Variants in GFM1 observed in about 807,000 individuals in gnomAD.
The protein encoded by GFM1 is G elongation factor mitochondrial 1, also known as elongation factor G, mitochondrial.
A neutral mutation model predicts 96.2 loss-of-function variants in GFM1; 62 were observed. That is an observed-to-expected ratio of 0.64 (90% CI 0.53 to 0.80). The LOEUF is 0.80. GFM1 is among the 30% of genes least tolerant of loss of function. The probability of loss-of-function intolerance (pLI) is 0.00; values close to 1 mark genes in which losing one functional copy is unlikely to be tolerated. For synonymous variants in GFM1, 282 were observed against 312.9 expected (o/e 0.90, Z 1.04); for missense variants, 852 against 916.6 (o/e 0.93, Z 0.91).
intron 13 of GFM1, among the ~76,000 whole-genome samples, chr3:158,677,036 C>T (rs928437200): frequency 1.3e-5 from 2 of 152,162 alleles, no homozygotes; most frequent in African/African-American, 4.8e-5. Context: ...TCTAACTTCA[C>T]ATCTCTGTGT....
At chr3:158,684,193 G>T (rs1725642145) in intron 14 of GFM1, among the ~76,000 whole-genome samples, 1 of 152,050 alleles carries the variant, frequency 6.6e-6, no homozygotes, top group Non-Finnish European at 1.5e-5. Context: ...ACACACTGGA[G>T]CCTATTAGAG....
chr3:158,686,808 A>G (rs779808822), intron 15 of GFM1, among the ~76,000 whole-genome samples: 2 of 136,886 alleles, frequency 1.5e-5, no homozygotes, highest in Middle Eastern at 4.2e-3. Flanking sequence ...TCTTGGCTCA[A>G]TGCAACCTCC....
At chr3:158,672,619 A>G (rs1345673270) in intron 13 of GFM1, 2 of 980,246 alleles carry the variant, frequency 2.0e-6, no homozygotes, top group Non-Finnish European at 3.0e-6. Context: ...CTTCTTCCTC[A>G]GCTCCTTCCG....
chr3:158,671,128 T>C, intron 13 of GFM1: 2 of 1,291,786 alleles, frequency 1.5e-6, no homozygotes, highest in Middle Eastern at 2.1e-4. Flanking sequence ...TGAAGGGGAA[T>C]GGTGAAAGCC....
At chr3:158,661,266 A>G (rs189829476) in intron 10 of GFM1, among the ~76,000 whole-genome samples, 2 of 152,312 alleles carry the variant, frequency 1.3e-5, no homozygotes, top group Admixed American at 6.5e-5. Context: ...TGGTACCTGG[A>G]CAGTGTGGCT....
intron 8 of GFM1, 38 bp downstream of exon 8, chr3:158,654,669 G>C (rs1434963932): frequency 1.6e-6 from 2 of 1,289,302 alleles, no homozygotes; most frequent in Middle Eastern, 1.8e-4. Flanking sequence ...GCTATCTGTA[G>C]AATGTTTTTA....
At chr3:158,669,144 C>T in intron 13 of GFM1, 7 of 1,609,162 alleles carry the variant, frequency 4.4e-6, no homozygotes, top group Non-Finnish European at 6.0e-6. Flanking sequence ...TGGTAGGAGA[C>T]ACATTTATAT....
intron 9 of GFM1, among the ~76,000 whole-genome samples, chr3:158,659,313 A>T (rs1723009311): frequency 6.6e-6 from 1 of 152,170 alleles, no homozygotes; most frequent in Non-Finnish European, 1.5e-5. Context: ...AAGGAAAGAG[A>T]CAGTTCCCCA....
At chr3:158,687,344 A>G (rs1725945104) in intron 15 of GFM1, among the ~76,000 whole-genome samples, 2 of 152,038 alleles carry the variant, frequency 1.3e-5, no homozygotes. Flanking sequence ...TATACTATGC[A>G]CACAAGCAGG....
chr3:158,645,975 G>A (rs1427884473), intron 2 of GFM1, 190 bp from the exon 3 acceptor site: 9 of 827,540 alleles, frequency 1.1e-5, no homozygotes, highest in Non-Finnish European at 1.6e-5. Context: ...TATAGAAGAG[G>A]TCTCACTTTG....
chr3:158,684,694 C>T (rs1466933254), intron 15 of GFM1, 26 bp downstream of exon 15: 6 of 1,612,686 alleles, frequency 3.7e-6, no homozygotes, highest in Admixed American at 1.7e-5. Flanking sequence ...GCACCTTAGC[C>T]TGTCTGTTTT....
intron 13 of GFM1, 27 bp from the exon 14 acceptor site, chr3:158,681,968 A>T (rs1576786457): frequency 2.7e-6 from 4 of 1,458,604 alleles, no homozygotes; most frequent in Middle Eastern, 3.6e-4. Flanking sequence ...ATAATGCTCC[A>T]TTTTTTTTTT....
chr3:158,648,107 A>G (rs1223283564), intron 4 of GFM1, among the ~76,000 whole-genome samples: 3 of 152,060 alleles, frequency 2.0e-5, no homozygotes, highest in Non-Finnish European at 4.4e-5. Flanking sequence ...TAATTTTCAT[A>G]AACTTTCTCT....
chr3:158,684,560 G>C lies in GFM1; in HGVS notation c.1801G>C (p.Gly601Arg). ...LDACEKGPLSGHKLSGLRFVL... is the reference protein window; with the variant it reads ...LDACEKGPLSRHKLSGLRFVL... ...TGCCTGCGAGAAGGGCCCTCTTTCT[G>C]GTCACAAGCTCTCTGGGCTCCGGTT... is the stretch of plus-strand genomic sequence containing the variant. The change falls in exon 15 of 18, where the codon GGT (glycine) becomes CGT (arginine). Residue 601 changes from glycine (G) to arginine (R), a missense_variant. By Grantham distance (125) the Gly-to-Arg change is moderately radical. Transcript: ENST00000486715. 6.2e-7 allele frequency: 1 copy of C among 1,614,036 alleles called. No homozygotes were observed. Among genetic ancestry groups the C allele is most frequent in the African/African-American group, 1.3e-5 (1 of 75,018 alleles).
In GFM1 at chr3:158,646,296, TG is replaced by T; in HGVS notation, c.367+1del. On this transcript the variant is annotated frameshift_variant and splice_region_variant, in exon 3 of 18. Coordinates refer to ENST00000486715, the MANE Select transcript of GFM1 (RefSeq NM_024996.7). LOFTEE classifies it high-confidence loss of function. ...TCAATATTAACATTATAGATACTCC[TG>T]GTGAGTTGGATTCTTGGTTTTATTG... ...DVNINIIDTP[G>X]HVDFTIEVER... 1 of 1,614,136 alleles carries T rather than the reference TG, an allele frequency of 6.2e-7. No homozygotes were observed. The highest frequency in any genetic ancestry group is 8.5e-7 in the Non-Finnish European group (1 of 1,179,982).
chr3:158,673,125 A>G (rs2108072656), intron 13 of GFM1, among the ~76,000 whole-genome samples: 1 of 152,296 alleles, frequency 6.6e-6, no homozygotes, highest in African/African-American at 2.4e-5. Flanking sequence ...TGCCCAAATC[A>G]AAGTATGAGA....
intron 10 of GFM1, among the ~76,000 whole-genome samples, chr3:158,662,091 A>G (rs1723244096): frequency 1.3e-5 from 2 of 152,154 alleles, no homozygotes; most frequent in Non-Finnish European, 2.9e-5. Flanking sequence ...CCTTTGCCCT[A>G]TACTACCTAC....
intron 13 of GFM1, among the ~76,000 whole-genome samples, chr3:158,679,673 A>C (rs1725200600): frequency 1.3e-5 from 2 of 152,130 alleles, no homozygotes; most frequent in Admixed American, 6.5e-5. Context: ...TCTGTGAGCC[A>C]GCCTCTTAGG....
chr3:158,682,186 T>G (rs761344990), intron 14 of GFM1, 29 bp downstream of exon 14: 6 of 1,567,324 alleles, frequency 3.8e-6, no homozygotes, highest in Non-Finnish European at 5.2e-6. Flanking sequence ...GTTTTTGCAT[T>G]TTTACTTACT....
Sources: allele counts gnomAD v4.1 joint callset (sites outside exome capture counted in the v4.1 genomes callset), GRCh38; gene constraint gnomAD v4.1.1; transcripts MANE v1.5; gene names NCBI Gene and HGNC (gene_info 2026-07-23, HGNC 2026-07-21).